Variants in JARID2 observed in about 807,000 individuals in gnomAD.
JARID2 encodes the protein jumonji and AT-rich interaction domain containing 2, also known as protein Jumonji.
Under a neutral mutation model 125.6 loss-of-function variants are expected in JARID2, and 21 were observed. The observed-to-expected ratio is 0.17, with a 90% CI of 0.12 to 0.24. The LOEUF is 0.24. Ranked by LOEUF, JARID2 falls within the 10% of genes least tolerant of loss-of-function variation. The pLI, the probability that JARID2 is intolerant of heterozygous loss-of-function variation, is 1.00. For synonymous variants in JARID2, 736 were observed against 661.6 expected, an observed-to-expected ratio of 1.11 and a Z score of -1.73; for missense variants, 1,303 against 1,639.6, an observed-to-expected ratio of 0.79 and a Z score of 3.55.
chr6:15,329,428 T>C (rs1479534438), intron 1 of JARID2, among the ~76,000 whole-genome samples: 1 of 152,132 alleles, frequency 6.6e-6, no homozygotes, highest in Non-Finnish European at 1.5e-5. Context: ...TTGAAGATTA[T>C]TGTGCTGAAA....
At chr6:15,326,840 A>G (rs999576129) in intron 1 of JARID2, among the ~76,000 whole-genome samples, 2 of 152,266 alleles carry the variant, frequency 1.3e-5, no homozygotes, top group Admixed American at 1.3e-4. Flanking sequence ...TATTTAGAGA[A>G]AACATACCCA....
intron 1 of JARID2, among the ~76,000 whole-genome samples, chr6:15,371,275 A>C (rs1466881663): frequency 6.6e-6 from 1 of 152,236 alleles, no homozygotes; most frequent in Non-Finnish European, 1.5e-5. Context: ...ACCAGCCTGC[A>C]CAGGATGCAA....
chr6:15,290,093 A>G (rs943414279), intron 1 of JARID2, among the ~76,000 whole-genome samples: 7 of 152,190 alleles, frequency 4.6e-5, no homozygotes, highest in African/African-American at 1.7e-4. Context: ...CACCCAATTG[A>G]AATAGAGAAT....
At chr6:15,439,031 C>CA (rs754404770) in intron 3 of JARID2, among the ~76,000 whole-genome samples, 3,826 of 85,708 alleles carry the variant, frequency 0.045, 118 homozygotes, top group African/African-American at 0.099. Context: ...GACTCTGTCT[C>CA]AAAAAAAAAA....
intron 1 of JARID2, among the ~76,000 whole-genome samples, chr6:15,326,966 A>T (rs1471818984): frequency 6.6e-6 from 1 of 152,200 alleles, no homozygotes; most frequent in Non-Finnish European, 1.5e-5. Flanking sequence ...GTTTGTTTTT[A>T]ATCTCTCTGT....
At chr6:15,478,892 C>G (rs927894396) in intron 5 of JARID2, among the ~76,000 whole-genome samples, 1 of 152,008 alleles carries the variant, frequency 6.6e-6, no homozygotes, top group Non-Finnish European at 1.5e-5. Flanking sequence ...GATGCTCTCC[C>G]GAGCTCAGGT....
At chr6:15,362,646 G>C (rs1763839376) in intron 1 of JARID2, among the ~76,000 whole-genome samples, 2 of 152,142 alleles carry the variant, frequency 1.3e-5, no homozygotes, top group Non-Finnish European at 2.9e-5. Flanking sequence ...AGGAAATTTG[G>C]AGTTTTCTTC....
rs985000147 is a variant in JARID2 at position 15,258,707 on chromosome 6, A to G, written c.45+12123A>G. Among the ~76,000 whole-genome samples the G allele has an allele frequency of 5.3e-5, 8 of 152,248 alleles. No individual in the cohort carries two copies. The South Asian group carries it at 8.3e-4, about 16-fold the overall frequency. ...TGAGGCAGGAGAATTGCTTGAACCC[A>G]GGAGGCAGAGGTTGCAGTGAGCCGA... On this transcript the variant is annotated intron_variant, in intron 1 of 17. Coordinates refer to ENST00000341776, the MANE Select transcript of JARID2 (RefSeq NM_004973.4).
At chr6:15,503,334 C>T (rs1399088202) in intron 8 of JARID2, among the ~76,000 whole-genome samples, 1 of 152,216 alleles carries the variant, frequency 6.6e-6, no homozygotes, top group Non-Finnish European at 1.5e-5. Flanking sequence ...TTGGAATTTG[C>T]ATGGAAGTAC....
intron 1 of JARID2, chr6:15,248,806 C>T (rs1055261713): frequency 3.4e-4 from 190 of 562,010 alleles, no homozygotes; most frequent in Non-Finnish European, 4.1e-4. Context: ...CGTCAAAAGT[C>T]GGGCGGGAGG....
chr6:15,405,428 C>G (rs1323459070), intron 2 of JARID2, among the ~76,000 whole-genome samples: 1 of 152,210 alleles, frequency 6.6e-6, no homozygotes, highest in Non-Finnish European at 1.5e-5. Context: ...CTCCCGTCAG[C>G]TGATGGTGAC....
At chr6:15,330,654 C>T (rs1581420362) in intron 1 of JARID2, among the ~76,000 whole-genome samples, 1 of 152,124 alleles carries the variant, frequency 6.6e-6, no homozygotes, top group African/African-American at 2.4e-5. Flanking sequence ...ACAGTCAAAA[C>T]ATTTAACATT....
chr6:15,342,143 C>T (rs1326599463), intron 1 of JARID2, among the ~76,000 whole-genome samples: 1 of 152,264 alleles, frequency 6.6e-6, no homozygotes, highest in Middle Eastern at 3.4e-3. Flanking sequence ...AGCAGCATTG[C>T]ACATGCTCAG....
At chr6:15,435,224 G>A (rs1015531993) in intron 3 of JARID2, among the ~76,000 whole-genome samples, 2 of 152,130 alleles carry the variant, frequency 1.3e-5, no homozygotes, top group Non-Finnish European at 2.9e-5. Context: ...ATTGAGGCCT[G>A]AGATGAAAAA....
At chr6:15,258,071 A>G (rs1239008571) in intron 1 of JARID2, among the ~76,000 whole-genome samples, 2 of 152,290 alleles carry the variant, frequency 1.3e-5, no homozygotes, top group South Asian at 2.1e-4. Context: ...ATGACCCCCA[A>G]TCACATTGTT....
chr6:15,267,689 C>T (rs112027645), intron 1 of JARID2, among the ~76,000 whole-genome samples: 120 of 152,238 alleles, frequency 7.9e-4, no homozygotes, highest in African/African-American at 2.8e-3. Context: ...TGGTTGCGTT[C>T]CCGAGGACCT....
At chr6:15,338,036 GC>G (rs1315411182) in intron 1 of JARID2, among the ~76,000 whole-genome samples, 2 of 152,182 alleles carry the variant, frequency 1.3e-5, no homozygotes, top group African/African-American at 4.8e-5. Context: ...GTGTAAACAG[GC>G]CCAGGGAACT....
intron 1 of JARID2, among the ~76,000 whole-genome samples, chr6:15,292,443 A>G (rs1761263158): frequency 1.3e-5 from 2 of 152,064 alleles, no homozygotes; most frequent in Admixed American, 6.6e-5. Context: ...ATGTTTAAAG[A>G]TTTGTGTTTT....
chr6:15,470,320 A>T (rs958758255), intron 5 of JARID2, among the ~76,000 whole-genome samples: 6 of 152,194 alleles, frequency 3.9e-5, no homozygotes, highest in Non-Finnish European at 8.8e-5. Context: ...TGTAAGATAA[A>T]GAAGCCTTGT....
Sources: allele counts gnomAD v4.1 joint callset (sites outside exome capture counted in the v4.1 genomes callset), GRCh38; gene constraint gnomAD v4.1.1; transcripts MANE v1.5; gene names NCBI Gene and HGNC (gene_info 2026-07-23, HGNC 2026-07-21).